The following SND1 variants were observed in gnomAD, a reference collection of about 807,000 sequenced individuals.
The protein encoded by SND1 is staphylococcal nuclease and tudor domain containing 1.
In SND1, 38 loss-of-function variants were observed where a neutral mutation model predicts 121.7. The ratio of observed to expected loss-of-function variants is 0.31; its 90% CI spans 0.24 to 0.41. The LOEUF (loss-of-function observed/expected upper bound fraction) is 0.41, where lower values mean the gene tolerates loss of function less well. Ranked by LOEUF, SND1 falls within the 10% of genes least tolerant of loss-of-function variation. The probability of loss-of-function intolerance (pLI) is 1.00; values close to 1 mark genes in which losing one functional copy is unlikely to be tolerated. For missense variants in SND1, 868 were observed against 1,184.6 expected, an observed-to-expected ratio of 0.73 and a Z score of 3.92; for synonymous variants, 401 against 447.4, an observed-to-expected ratio of 0.90 and a Z score of 1.31.
intron 11 of SND1, among the ~76,000 whole-genome samples, chr7:127,815,190 C>T (rs540336852): frequency 6.6e-6 from 1 of 152,166 alleles, no homozygotes; most frequent in African/African-American, 2.4e-5. Flanking sequence ...ACAGCATCTC[C>T]CCAGAATACC....
At chr7:128,089,269 G>T (rs957025469) in intron 21 of SND1, among the ~76,000 whole-genome samples, 1 of 152,142 alleles carries the variant, frequency 6.6e-6, no homozygotes, top group Admixed American at 6.5e-5. Context: ...GGCCAGGCTG[G>T]TCGCCAACTC....
intron 10 of SND1, among the ~76,000 whole-genome samples, chr7:127,779,875 C>T (rs557437957): frequency 2.2e-4 from 34 of 152,334 alleles, no homozygotes; most frequent in South Asian, 8.3e-4. Context: ...GGAGTCGGGA[C>T]CATCTCTGTG....
intron 6 of SND1, 41 bp from the exon 7 acceptor site, chr7:127,703,124 C>CATTT (rs1411568063): frequency 6.2e-7 from 1 of 1,612,332 alleles, no homozygotes; most frequent in Non-Finnish European, 8.5e-7. Context: ...CTAGCACTCA[C>CATTT]ATTTAGGCTG....
intron 16 of SND1, chr7:128,028,772 C>T (rs910538598): frequency 6.2e-7 from 1 of 1,613,962 alleles, no homozygotes; most frequent in Admixed American, 1.7e-5. Context: ...GAGAGTTCCC[C>T]AGGCTGTTTT....
At chr7:127,954,798 A>G (rs1801555618) in intron 15 of SND1, among the ~76,000 whole-genome samples, 1 of 152,106 alleles carries the variant, frequency 6.6e-6, no homozygotes, top group Admixed American at 6.5e-5. Flanking sequence ...GATGGCCTGG[A>G]CCTAAAGACA....
chr7:127,984,472 A>T (rs1802340388), intron 15 of SND1, among the ~76,000 whole-genome samples: 1 of 152,214 alleles, frequency 6.6e-6, no homozygotes, highest in African/African-American at 2.4e-5. Context: ...TCTGTTCTCC[A>T]GGTGTGTCAG....
Position 127,826,120 on chromosome 7 carries a change from G to C in SND1, c.1243-18204G>C, listed in dbSNP as rs1798638831. Reference sequence around the variant, plus strand: ...GCAGGTGAATTACTTGAACCTAGGAGGTGGAGGTTGCAGTGAGCCAAGATT... The same window carrying C: ...GCAGGTGAATTACTTGAACCTAGGACGTGGAGGTTGCAGTGAGCCAAGATT... On this transcript the variant is annotated intron_variant, in intron 11 of 23. Transcript: ENST00000354725. 2.0e-5 allele frequency among the ~76,000 whole-genome samples: 3 copies of C among 152,198 alleles called. No homozygotes were observed. In the South Asian group the frequency reaches 6.2e-4, roughly 32 times the overall value.
intron 12 of SND1, among the ~76,000 whole-genome samples, chr7:127,864,333 A>C (rs1799430197): frequency 6.6e-6 from 1 of 151,328 alleles, no homozygotes; most frequent in African/African-American, 2.4e-5. Flanking sequence ...ACTTCCTTCC[A>C]ATTGAGCCAT....
chr7:128,070,339 A>G (rs1793388995), intron 16 of SND1, among the ~76,000 whole-genome samples: 2 of 152,196 alleles, frequency 1.3e-5, no homozygotes, highest in Non-Finnish European at 2.9e-5. Context: ...GCTTGTGTAC[A>G]TGCACACACA....
chr7:127,924,136 G>A (rs1023411220), intron 14 of SND1, among the ~76,000 whole-genome samples: 2 of 152,072 alleles, frequency 1.3e-5, no homozygotes, highest in African/African-American at 4.8e-5. Context: ...GAGCTTCATA[G>A]GAAGAAACAT....
intron 17 of SND1, among the ~76,000 whole-genome samples, chr7:128,080,706 A>G (rs1340299833): frequency 1.3e-5 from 2 of 152,186 alleles, no homozygotes; most frequent in Non-Finnish European, 2.9e-5. Context: ...TCGGACGTGC[A>G]TGAGATAGCC....
chr7:128,088,765 CT>C (rs1345880338), intron 21 of SND1, among the ~76,000 whole-genome samples: 4 of 149,614 alleles, frequency 2.7e-5, no homozygotes, highest in African/African-American at 9.9e-5. Context: ...GTCCCTGTCT[CT>C]TTAAAAAAAA....
chr7:127,969,266 C>T (rs1801924130), intron 15 of SND1, among the ~76,000 whole-genome samples: 1 of 152,110 alleles, frequency 6.6e-6, no homozygotes, highest in Non-Finnish European at 1.5e-5. Flanking sequence ...CGAGCTGCTT[C>T]CACCACATGT....
intron 10 of SND1, among the ~76,000 whole-genome samples, chr7:127,753,675 G>A (rs1250056789): frequency 6.6e-6 from 1 of 152,146 alleles, no homozygotes; most frequent in Non-Finnish European, 1.5e-5. Flanking sequence ...TGTGAACAAA[G>A]TAAGGTAGAG....
At chr7:127,917,524 G>C (rs186313792) in intron 14 of SND1, among the ~76,000 whole-genome samples, 1 of 151,734 alleles carries the variant, frequency 6.6e-6, no homozygotes, top group Non-Finnish European at 1.5e-5. Flanking sequence ...TCTTTTTTGC[G>C]CGGGTAGCTG....
intron 12 of SND1, chr7:127,858,308 C>A (rs961149856): frequency 3.9e-6 from 4 of 1,022,796 alleles, no homozygotes; most frequent in Non-Finnish European, 6.0e-6. Context: ...TCACCCAGGC[C>A]CCTTGCTGCT....
intron 15 of SND1, among the ~76,000 whole-genome samples, chr7:127,984,842 G>A (rs1343634542): frequency 6.6e-6 from 1 of 152,200 alleles, no homozygotes; most frequent in Non-Finnish European, 1.5e-5. Flanking sequence ...AACCTGAGGT[G>A]ATTCTGAGTC....
intron 10 of SND1, among the ~76,000 whole-genome samples, chr7:127,749,043 GT>G (rs5887354): frequency 0.15 from 17,564 of 115,954 alleles, 775 homozygotes; most frequent in Middle Eastern, 0.26. Flanking sequence ...TTTTTCTTTC[GT>G]TTTTTTTTTT....
intron 6 of SND1, 96 bp downstream of exon 6, chr7:127,702,622 C>T: frequency 1.0e-6 from 1 of 961,820 alleles, no homozygotes; most frequent in Non-Finnish European, 1.7e-6. Flanking sequence ...GCTGTTTCTT[C>T]CTAATGTGGG....
Sources: allele counts gnomAD v4.1 joint callset (sites outside exome capture counted in the v4.1 genomes callset), GRCh38; gene constraint gnomAD v4.1.1; transcripts MANE v1.5; gene names NCBI Gene and HGNC (gene_info 2026-07-23, HGNC 2026-07-21).